LPO: variants seen among roughly 807,000 people sequenced by gnomAD.
The protein encoded by LPO is salivary peroxidase.
LPO carries 70 observed loss-of-function variants against 68.4 expected under a neutral mutation model. That is an observed-to-expected ratio of 1.02 (90% CI 0.84 to 1.25). LPO has a LOEUF of 1.25. Among genes scored for constraint, LPO ranks in the 50% most tolerant of loss-of-function variants. LPO has a pLI of 0.00. For synonymous variants in LPO, 360 were observed against 357.6 expected (o/e 1.01, Z -0.08); for missense variants, 873 against 908.4 (o/e 0.96, Z 0.50).
intron 9 of LPO, 31 bp from the exon 10 acceptor site, chr17:58,264,691 C>T (rs778325061): frequency 1.9e-6 from 3 of 1,611,976 alleles, no homozygotes; most frequent in Non-Finnish European, 2.5e-6. Context: ...CCTTCTTACA[C>T]CCTTTCCTCT....
rs760205009 is a variant in LPO, at chr17:58,250,426, A to G, written c.585A>G (p.Val195=). ...NGFPLPLARE[V]SNKIVGYLNE... is the part of the protein sequence containing the mutation. ...CTCTCCATCTGTAGGCCCGGGAGGT[A>G]TCTAACAAGATTGTTGGCTATCTGA... Residue 195 remains valine (V), a synonymous_variant, in exon 7 of 13, where the codon GTA becomes GTG. Transcript: ENST00000262290. The G allele has an allele frequency of 6.2e-6, 10 of 1,613,952 alleles. No individual in the cohort carries two copies. The highest frequency in any genetic ancestry group is 4.4e-5 in the South Asian group (4 of 91,084).
At chr17:58,265,732 A>G (rs1211422498) in intron 10 of LPO, among the ~76,000 whole-genome samples, 2 of 149,674 alleles carry the variant, frequency 1.3e-5, no homozygotes, top group East Asian at 3.9e-4. Flanking sequence ...CAAGGCACAC[A>G]CCCCCATACC....
At chr17:58,267,053 A>C (rs1185504617) in intron 11 of LPO, among the ~76,000 whole-genome samples, 1 of 152,210 alleles carries the variant, frequency 6.6e-6, no homozygotes, top group Non-Finnish European at 1.5e-5. Context: ...CTTTGGGCAA[A>C]TTACTTAACA....
In LPO at chr17:58,247,552, G is replaced by A. The variant is rs140740050; in HGVS notation, c.239G>A (p.Arg80Gln). 1.1e-3 allele frequency: 1,846 copies of A among 1,614,044 alleles called. No individual in the cohort carries two copies. The highest frequency in any genetic ancestry group is 1.5e-3 in the Non-Finnish European group (1,732 of 1,180,044). Residue 80 changes from arginine to glutamine, a missense_variant, in exon 4 of 13, where the codon CGG becomes CAG. By Grantham distance (43) the Arg-to-Gln change is conservative. Transcript: ENST00000262290. ...LSEYLKHAKGRTRTAIRNGQV... is the reference protein window; with the variant it reads ...LSEYLKHAKGQTRTAIRNGQV... ...GAATACCTCAAGCATGCCAAAGGCC[G>A]GACGCGCACAGCCATCCGCAATGGA...
chr17:58,249,061 T>C lies in LPO; in HGVS notation c.327T>C (p.Asp109=). Residue 109 remains aspartate (D), a splice_region_variant and synonymous_variant, in exon 5 of 13, where the codon GAT becomes GAC. Transcript: ENST00000262290. ...RQKASLTNVT[D]PSLDLTSLSL... is the part of the protein sequence containing the mutation. ...CCTTTGGGGTCCCTTCTGTTTCAGA[T>C]CCCAGCCTGGACTTGACTTCACTGT... 6.2e-7 allele frequency: 1 copy of C among 1,613,644 alleles called. No individual in the cohort carries two copies. The highest frequency in any genetic ancestry group is 2.2e-5 in the East Asian group (1 of 44,872).
chr17:58,267,437 C>T lies in LPO; in HGVS notation c.1782C>T (p.Ala594=), dbSNP rs778091718. The change falls in exon 12 of 13, where the codon GCC becomes GCT. Residue 594 remains alanine, a synonymous_variant. Transcript: ENST00000262290. The part of the protein sequence containing the change: ...LNTVLKSKML[A]KKLLGLYGTP... ...CAGTGCTGAAGAGCAAGATGCTGGCCAAGAAGTTACTGGGTCTCTACGGGA... is the reference window on the plus strand; with the variant it reads ...CAGTGCTGAAGAGCAAGATGCTGGCTAAGAAGTTACTGGGTCTCTACGGGA... The T allele has an allele frequency of 1.2e-6, 2 of 1,614,112 alleles. No homozygotes were observed. Among genetic ancestry groups the T allele is most frequent in the African/African-American group, 2.7e-5 (2 of 74,924 alleles).
intron 1 of LPO, among the ~76,000 whole-genome samples, chr17:58,240,420 G>T (rs560795309): frequency 7.5e-4 from 115 of 152,324 alleles, no homozygotes; most frequent in South Asian, 1.5e-3. Flanking sequence ...GGAGCCTCTT[G>T]TTGGCCTCTT....
intron 7 of LPO, 123 bp downstream of exon 7, chr17:58,250,744 G>GCCC: frequency 1.0e-6 from 1 of 953,216 alleles, no homozygotes; most frequent in Non-Finnish European, 1.6e-6. Flanking sequence ...AGTTTCCCAT[G>GCCC]CCTCACGTGT....
chr17:58,248,310 A>C (rs1969889925), intron 4 of LPO, among the ~76,000 whole-genome samples: 1 of 152,230 alleles, frequency 6.6e-6, no homozygotes, highest in African/African-American at 2.4e-5. Context: ...CTCCAAAAGA[A>C]GGAAACTGGG....
chr17:58,257,905 C>T (rs1970101144), intron 9 of LPO, among the ~76,000 whole-genome samples: 1 of 152,208 alleles, frequency 6.6e-6, no homozygotes, highest in African/African-American at 2.4e-5. Context: ...AGCACCTTTT[C>T]ATATGCCTGT....
intron 9 of LPO, among the ~76,000 whole-genome samples, chr17:58,256,603 C>A (rs1411778109): frequency 6.6e-6 from 1 of 151,884 alleles, no homozygotes. Flanking sequence ...ATCATAAGGT[C>A]AAGAGATCGA....
chr17:58,251,042 G>C, intron 7 of LPO: 2 of 211,856 alleles, frequency 9.4e-6, no homozygotes. Flanking sequence ...ACTTGGGGAG[G>C]CTGAGGTGGA....
intron 9 of LPO, among the ~76,000 whole-genome samples, chr17:58,261,886 A>G (rs993831919): frequency 1.3e-5 from 2 of 152,174 alleles, no homozygotes; most frequent in Admixed American, 6.5e-5. Flanking sequence ...ATCACAACCT[A>G]TTGGTGTCAG....
rs1311927447 is a variant in LPO at position 58,252,286 on chromosome 17, G to A, written c.885G>A (p.Glu295=). ...CACCCTACAAGTCCCTGGCCCGAGA[G>A]CAGATCAACGCTCTGACCTCCTTCC... ...PTPPYKSLAR[E]QINALTSFLD... is the part of the protein sequence containing the mutation. The change falls in exon 8 of 13, where the codon GAG becomes GAA. Residue 295 remains glutamate, a synonymous_variant. Transcript: ENST00000262290. 3.1e-6 allele frequency: 5 copies of A among 1,614,214 alleles called. No homozygotes were observed. In the South Asian group the frequency reaches 5.5e-5, roughly 18 times the overall value.
At position 58,247,639 on chromosome 17, in the gene LPO, G is replaced by A; in HGVS notation, c.325+1G>A. 6.2e-7 allele frequency: 1 copy of A among 1,612,844 alleles called. No individual in the cohort carries two copies. Among genetic ancestry groups the A allele is most frequent in the East Asian group, 2.2e-5 (1 of 44,866 alleles). On this transcript the variant is annotated splice_donor_variant, in intron 4 of 12. Coordinates refer to ENST00000262290, the MANE Select transcript of LPO (RefSeq NM_006151.3). LOFTEE classifies it high-confidence loss of function. The stretch of plus-strand genomic sequence containing the variant: ...AAGGCATCCTTGACCAATGTCACAG[G>A]TACAGAAAACCCACCAGCCCTCTGT...
At chr17:58,254,622 A>T in intron 8 of LPO, 189 bp from the exon 9 acceptor site, 1 of 571,070 alleles carries the variant, frequency 1.8e-6, no homozygotes, top group Non-Finnish European at 3.1e-6. Flanking sequence ...GTGTGTATAT[A>T]GAACTGAGAG....
intron 9 of LPO, among the ~76,000 whole-genome samples, chr17:58,255,442 TA>T (rs1227976950): frequency 1.3e-5 from 2 of 152,250 alleles, no homozygotes; most frequent in African/African-American, 4.8e-5. Flanking sequence ...ACCATGCACA[TA>T]TTTTTTAAAC....
Position 58,243,666 on chromosome 17 carries a change from C to A in LPO, c.77-328C>A, listed in dbSNP as rs919016237. On this transcript the variant is annotated intron_variant, in intron 2 of 12. Transcript: ENST00000262290. ...GATGAACTTGAGATAGTCCACAAGA[C>A]CATCTCACCAGGAACCAGAGAAATC... 5 of 396,830 alleles carry A rather than the reference C, an allele frequency of 1.3e-5. 1 individual carries two copies. The highest frequency in any genetic ancestry group is 2.3e-5 in the Non-Finnish European group (5 of 214,360). The allele number at this position is 396,830 out of a possible 1,614,324, so 24.6% of individuals were successfully genotyped here.
chr17:58,244,869 TAG>T (rs1476409282), intron 3 of LPO, among the ~76,000 whole-genome samples: 1 of 152,170 alleles, frequency 6.6e-6, no homozygotes, highest in Non-Finnish European at 1.5e-5. Flanking sequence ...AGGGCACCAG[TAG>T]AGTCAACTGC....
Sources: gnomAD v4.1 joint callset for allele counts (sites outside exome capture counted in the v4.1 genomes callset) on GRCh38, gnomAD v4.1.1 for gene constraint, MANE v1.5 for transcripts, NCBI Gene and HGNC (gene_info 2026-07-23, HGNC 2026-07-21) for gene names.